TMEM116: variants seen among roughly 807,000 people sequenced by gnomAD.
TMEM116 encodes transmembrane protein 116.
TMEM116 carries 38 observed loss-of-function variants against 44.3 expected under a neutral mutation model. That is an observed-to-expected ratio of 0.86 (90% CI 0.66 to 1.12). TMEM116 has a LOEUF of 1.12. Among genes scored for constraint, TMEM116 ranks in the 50% most tolerant of loss-of-function variants. The pLI, the probability that TMEM116 is intolerant of heterozygous loss-of-function variation, is 0.00. For synonymous variants in TMEM116, 132 were observed against 144.8 expected (o/e 0.91, Z 0.64); for missense variants, 354 against 401.7 (o/e 0.88, Z 1.01).
In TMEM116 at chr12:111,933,889, G is replaced by C. The variant is rs761491990; in HGVS notation, c.730C>G (p.Pro244Ala). Residue 244 changes from proline to alanine, a missense_variant, in exon 9 of 11, where the codon CCA becomes GCA. Physicochemically the swap from Pro to Ala is conservative, Grantham distance 27. Coordinates refer to ENST00000552374, the MANE Select transcript of TMEM116 (RefSeq NM_001193531.2). ...YPVAFFCCWG[P>A]AVILMIIKLT... ...TCTCTTCTTGTTAAGTACCTACCTG[G>C]GCCCCAGCAGCAAAAGAAGGCCACT... 3.1e-6 allele frequency: 5 copies of C among 1,613,670 alleles called. No individual in the cohort carries two copies. The highest frequency in any genetic ancestry group is 4.2e-6 in the Non-Finnish European group (5 of 1,179,904).
chr12:111,966,063 T>C (rs2074958491), intron 4 of TMEM116, among the ~76,000 whole-genome samples: 2 of 152,152 alleles, frequency 1.3e-5, no homozygotes, highest in South Asian at 2.1e-4. Context: ...TCCCAGCACT[T>C]TGGGAGGCTG....
intron 4 of TMEM116, among the ~76,000 whole-genome samples, chr12:111,946,796 C>T (rs920887813): frequency 6.6e-6 from 1 of 152,150 alleles, no homozygotes; most frequent in Non-Finnish European, 1.5e-5. Context: ...TGATTAAAAC[C>T]CATTTATGCC....
At chr12:111,933,526 T>C (rs2071842752) in intron 9 of TMEM116, among the ~76,000 whole-genome samples, 1 of 148,904 alleles carries the variant, frequency 6.7e-6, no homozygotes, top group Non-Finnish European at 1.5e-5. Context: ...TCTCGCCCTG[T>C]CACCCAGGCT....
chr12:111,949,983 T>G (rs1200078497), intron 4 of TMEM116, among the ~76,000 whole-genome samples: 1 of 152,040 alleles, frequency 6.6e-6, no homozygotes, highest in African/African-American at 2.4e-5. Flanking sequence ...GGCATGGTAG[T>G]GCACACCTGT....
At chr12:111,966,286 A>G (rs1292763124) in intron 4 of TMEM116, among the ~76,000 whole-genome samples, 3 of 152,150 alleles carry the variant, frequency 2.0e-5, no homozygotes, top group African/African-American at 7.2e-5. Context: ...AGCCTGGGCA[A>G]CAGAGCAAGA....
At chr12:111,940,277 AAT>A (rs577650170) in intron 5 of TMEM116, among the ~76,000 whole-genome samples, 4 of 149,990 alleles carry the variant, frequency 2.7e-5, no homozygotes, top group African/African-American at 2.4e-5. Context: ...TGTCTCAAAA[AAT>A]ATATATATAT....
rs549898571 is a variant in TMEM116 at position 111,939,203 on chromosome 12, C to T, written c.316-993G>A. On this transcript the variant is annotated intron_variant, in intron 5 of 10. Coordinates refer to ENST00000552374, the MANE Select transcript of TMEM116 (RefSeq NM_001193531.2). ...GGTGCAGTGGCTCATGCCTGTAATC[C>T]TAGCACCATGGGAGGCCGAGACAGG... 3.9e-5 allele frequency among the ~76,000 whole-genome samples: 6 copies of T among 152,136 alleles called. No individual in the cohort carries two copies. The East Asian group carries it at 1.2e-3, about 29-fold the overall frequency.
chr12:111,956,929 G>A (rs1337287282), intron 4 of TMEM116, among the ~76,000 whole-genome samples: 1 of 151,918 alleles, frequency 6.6e-6, no homozygotes, highest in African/African-American at 2.4e-5. Flanking sequence ...CTGCCTGGCC[G>A]CCACCCCGTA....
chr12:112,005,321 A>C lies in TMEM116; in HGVS notation c.-33-18T>G. 1 of 1,292,536 alleles carries C rather than the reference A, an allele frequency of 7.7e-7. No homozygotes were observed. Among genetic ancestry groups the C allele is most frequent in the Non-Finnish European group, 9.8e-7 (1 of 1,020,448 alleles). The allele number at this position is 1,292,536 out of a possible 1,614,324, so 80.1% of individuals were successfully genotyped here. The stretch of plus-strand genomic sequence containing the variant: ...GGAAGAACCTAAGCAAAACAAGGAA[A>C]ACGGAATAAAATTAAACCTTTTACA... On this transcript the variant is annotated intron_variant, in intron 1 of 10. Transcript: ENST00000552374.
At position 111,933,916 on chromosome 12, in the gene TMEM116, G is replaced by C. The variant is rs1164542791; in HGVS notation, c.703C>G (p.Pro235Ala). 1 of 1,614,030 alleles carries C rather than the reference G, an allele frequency of 6.2e-7. No homozygotes were observed. The highest frequency in any genetic ancestry group is 8.5e-7 in the Non-Finnish European group (1 of 1,180,014). Residue 235 changes from proline (P) to alanine (A), a missense_variant, in exon 9 of 11, where the codon CCA becomes GCA. By Grantham distance (27) the Pro-to-Ala change is conservative. Transcript: ENST00000552374. The stretch of plus-strand genomic sequence containing the variant: ...CCCCAGCAGCAAAAGAAGGCCACTG[G>C]GTAGAAGCGCACCCGTTGGTCCACA... ...HIVDQRVRFY[P>A]VAFFCCWGPA... is the part of the protein sequence containing the mutation.
At chr12:111,960,491 C>CAAAA (rs545322547) in intron 4 of TMEM116, among the ~76,000 whole-genome samples, 8 of 28,570 alleles carry the variant, frequency 2.8e-4, no homozygotes, top group South Asian at 1.2e-3. Flanking sequence ...GACTCCGTCT[C>CAAAA]AAAAAAAAAA....
In TMEM116 at chr12:111,936,695, A is replaced by G; in HGVS notation, c.585T>C (p.Ile195=). ...GGAAGGTAGGGTGGTACCATACCAT[A>G]ATGGTAAGGAGGCTGAGTACAAAGC... ...LGSFVLSLLT[I]MVLLIRAQTL... is the part of the protein sequence containing the mutation. Residue 195 remains isoleucine (I), a synonymous_variant, in exon 8 of 11, where the codon ATT becomes ATC. Transcript: ENST00000552374. The G allele has an allele frequency of 6.2e-7, 1 of 1,613,776 alleles. No individual in the cohort carries two copies. The highest frequency in any genetic ancestry group is 8.5e-7 in the Non-Finnish European group (1 of 1,179,846).
chr12:111,983,592 G>A (rs1484466236), intron 4 of TMEM116, among the ~76,000 whole-genome samples: 1 of 151,998 alleles, frequency 6.6e-6, no homozygotes, highest in Non-Finnish European at 1.5e-5. Context: ...GCAAGACCCT[G>A]TCTCAAACAA....
At chr12:111,951,722 A>C (rs2073747185) in intron 4 of TMEM116, among the ~76,000 whole-genome samples, 1 of 152,174 alleles carries the variant, frequency 6.6e-6, no homozygotes, top group Non-Finnish European at 1.5e-5. Context: ...TACTAGGCTT[A>C]AAACCTGGGT....
At chr12:111,993,553 C>A in intron 3 of TMEM116, 1 of 545,296 alleles carries the variant, frequency 1.8e-6, no homozygotes, top group South Asian at 1.6e-5. Flanking sequence ...AATTCAAACC[C>A]AACCAGGTTA....
intron 4 of TMEM116, among the ~76,000 whole-genome samples, chr12:111,961,787 C>T (rs958015918): frequency 2.5e-4 from 38 of 152,188 alleles, no homozygotes; most frequent in African/African-American, 8.9e-4. Context: ...TCTCACCACT[C>T]CTATTCAACA....
Position 111,931,811 on chromosome 12 carries a change from G to T in TMEM116, c.824C>A (p.Ser275Tyr). 6.5e-7 allele frequency: 1 copy of T among 1,530,562 alleles called. No individual in the cohort carries two copies. The highest frequency in any genetic ancestry group is 1.3e-5 in the South Asian group (1 of 76,344). 94.8% of individuals were successfully genotyped at this position (1,530,562 alleles called of 1,614,324 possible). Residue 275 changes from serine (S) to tyrosine (Y), a missense_variant, in exon 11 of 11, where the codon TCT becomes TAT. Coordinates refer to ENST00000552374, the MANE Select transcript of TMEM116 (RefSeq NM_001193531.2). ...LYVLQALTATSQGLLNCGVYG... is the reference protein window; with the variant it reads ...LYVLQALTATYQGLLNCGVYG... ...TACTCCACAGTTGAGTAGACCCTGAGATGTTGCCGTTAGAGCCTGGAGGAG... is the reference window on the plus strand; with the variant it reads ...TACTCCACAGTTGAGTAGACCCTGATATGTTGCCGTTAGAGCCTGGAGGAG...
intron 3 of TMEM116, among the ~76,000 whole-genome samples, chr12:111,998,890 G>T (rs2077073179): frequency 6.6e-6 from 1 of 152,146 alleles, no homozygotes; most frequent in Non-Finnish European, 1.5e-5. Flanking sequence ...AAACATATCA[G>T]AAGTCTTTGG....
chr12:111,931,878 C>A (rs776198991), intron 10 of TMEM116, 51 bp from the exon 11 acceptor site: 2 of 1,298,900 alleles, frequency 1.5e-6, no homozygotes, highest in Non-Finnish European at 2.1e-6. Flanking sequence ...TTTCAGGGAT[C>A]CAGGGAATAA....
Sources: allele counts gnomAD v4.1 joint callset (sites outside exome capture counted in the v4.1 genomes callset), GRCh38; gene constraint gnomAD v4.1.1; transcripts MANE v1.5; gene names NCBI Gene and HGNC (gene_info 2026-07-23, HGNC 2026-07-21).